Variants in TENM4 observed in about 807,000 individuals in gnomAD.
TENM4 encodes teneurin transmembrane protein 4.
Under a neutral mutation model 243.3 loss-of-function variants are expected in TENM4, and 82 were observed. That is an observed-to-expected ratio of 0.34 (90% CI 0.28 to 0.40). The LOEUF (loss-of-function observed/expected upper bound fraction) is 0.40. Ranked by LOEUF, TENM4 falls within the 10% of genes least tolerant of loss-of-function variation. The pLI, the probability that TENM4 is intolerant of heterozygous loss-of-function variation, is 1.00. For synonymous variants in TENM4, 1,412 were observed against 1,456.3 expected, an observed-to-expected ratio of 0.97 and a Z score of 0.69; for missense variants, 3,138 against 3,673.3, an observed-to-expected ratio of 0.85 and a Z score of 3.77.
chr11:79,201,568 C>T (rs915225592), intron 3 of TENM4, among the ~76,000 whole-genome samples: 2 of 152,000 alleles, frequency 1.3e-5, no homozygotes, highest in African/African-American at 4.8e-5. Context: ...TGGGTACCTA[C>T]CATAAGTCAG....
chr11:78,674,252 A>G (rs375398193), intron 30 of TENM4, among the ~76,000 whole-genome samples: 9 of 152,346 alleles, frequency 5.9e-5, no homozygotes, highest in South Asian at 2.1e-4. Context: ...TTATTAAAAA[A>G]GTTCCCAGTT....
intron 6 of TENM4, among the ~76,000 whole-genome samples, chr11:78,910,812 G>A (rs534678443): frequency 1.5e-3 from 224 of 152,180 alleles, no homozygotes; most frequent in South Asian, 3.3e-3. Flanking sequence ...AAATGGTTTC[G>A]GTTCATTCTC....
intron 12 of TENM4, among the ~76,000 whole-genome samples, chr11:78,824,618 C>T (rs1457671037): frequency 6.6e-6 from 1 of 151,802 alleles, no homozygotes; most frequent in East Asian, 1.9e-4. Flanking sequence ...TCTCCTGCCT[C>T]AGCCTCCCAA....
chr11:79,048,963 G>C (rs1358712679), intron 6 of TENM4, among the ~76,000 whole-genome samples: 1 of 152,172 alleles, frequency 6.6e-6, no homozygotes, highest in East Asian at 1.9e-4. Context: ...TGCTCAAGCA[G>C]AGCTGGATTT....
chr11:79,389,991 A>G (rs1858197369), intron 1 of TENM4, among the ~76,000 whole-genome samples: 1 of 152,126 alleles, frequency 6.6e-6, no homozygotes, highest in Non-Finnish European at 1.5e-5. Flanking sequence ...GGTTTTTGTT[A>G]AGAGGAGGAC....
chr11:79,045,723 C>CT (rs34804783), intron 6 of TENM4, among the ~76,000 whole-genome samples: 182 of 146,500 alleles, frequency 1.2e-3, no homozygotes, highest in African/African-American at 4.1e-3. Flanking sequence ...TGGATGACGC[C>CT]TTTTTTTTTT....
At chr11:78,798,592 C>T (rs1390452922) in intron 15 of TENM4, among the ~76,000 whole-genome samples, 1 of 152,192 alleles carries the variant, frequency 6.6e-6, no homozygotes, top group African/African-American at 2.4e-5. Context: ...GCACAGCATT[C>T]AGCGGGCTCC....
chr11:78,658,857 G>A (rs749320337), intron 33 of TENM4, 41 bp from the exon 34 acceptor site: 1 of 1,565,752 alleles, frequency 6.4e-7, no homozygotes, highest in Non-Finnish European at 8.7e-7. Flanking sequence ...AAGACAAAGG[G>A]GAAAAAACCC....
At chr11:78,677,936 A>C in intron 29 of TENM4, among the ~76,000 whole-genome samples, 1 of 107,338 alleles carries the variant, frequency 9.3e-6, no homozygotes, top group African/African-American at 3.6e-5. Flanking sequence ...CCCCGACCCC[A>C]CCACAGTCCC....
intron 1 of TENM4, among the ~76,000 whole-genome samples, chr11:79,359,655 G>T (rs932462930): frequency 6.6e-6 from 1 of 152,172 alleles, no homozygotes; most frequent in Non-Finnish European, 1.5e-5. Flanking sequence ...AGGTCGAAGG[G>T]GGGAGGGTGA....
chr11:79,314,421 G>A (rs150794129), intron 1 of TENM4, among the ~76,000 whole-genome samples: 8 of 152,334 alleles, frequency 5.3e-5, no homozygotes, highest in Non-Finnish European at 1.2e-4. Flanking sequence ...TTTACCTGTG[G>A]TGTTGAGTCT....
intron 18 of TENM4, among the ~76,000 whole-genome samples, chr11:78,765,178 G>A (rs1856517975): frequency 6.6e-6 from 1 of 152,180 alleles, no homozygotes; most frequent in Non-Finnish European, 1.5e-5. Flanking sequence ...GGGGGTGGAA[G>A]GTGGAATGTG....
At chr11:78,896,276 G>A (rs1855793637) in intron 7 of TENM4, among the ~76,000 whole-genome samples, 1 of 152,128 alleles carries the variant, frequency 6.6e-6, no homozygotes, top group Non-Finnish European at 1.5e-5. Flanking sequence ...TTCTGTAGCT[G>A]AGACCTCCAG....
chr11:79,374,180 C>A (rs1363338397), intron 1 of TENM4, among the ~76,000 whole-genome samples: 2 of 152,134 alleles, frequency 1.3e-5, no homozygotes, highest in Non-Finnish European at 2.9e-5. Flanking sequence ...CTTCAAAGAT[C>A]AATCTTCCCA....
intron 3 of TENM4, among the ~76,000 whole-genome samples, chr11:79,194,331 C>A (rs188953015): frequency 4.6e-5 from 7 of 151,724 alleles, no homozygotes; most frequent in African/African-American, 1.7e-4. Context: ...GAAAAGATAC[C>A]TGAAAATGTG....
At chr11:78,714,366 T>C (rs1168861560) in intron 25 of TENM4, among the ~76,000 whole-genome samples, 1 of 146,992 alleles carries the variant, frequency 6.8e-6, no homozygotes, top group East Asian at 1.9e-4. Flanking sequence ...GACAGTGTCC[T>C]TGGGGACTGG....
At chr11:78,891,367 A>G (rs762714119) in intron 7 of TENM4, 31 bp from the exon 8 acceptor site, 5 of 1,536,378 alleles carry the variant, frequency 3.3e-6, no homozygotes, top group Non-Finnish European at 4.4e-6. Flanking sequence ...GAATGAAGCA[A>G]TGAGTCATGC....
intron 12 of TENM4, among the ~76,000 whole-genome samples, chr11:78,841,646 GC>G: frequency 6.6e-6 from 1 of 151,858 alleles, no homozygotes; most frequent in Non-Finnish European, 1.5e-5. Flanking sequence ...TCTCTCCTGG[GC>G]CTCCAGTCTT....
At chr11:78,805,253 C>G in intron 15 of TENM4, 39 bp downstream of exon 15, 1 of 1,483,928 alleles carries the variant, frequency 6.7e-7, no homozygotes, top group Non-Finnish European at 9.1e-7. Context: ...AGTGGAAATC[C>G]CCTCCCTCTA....
Sources: gnomAD v4.1 joint callset for allele counts (sites outside exome capture counted in the v4.1 genomes callset) on GRCh38, gnomAD v4.1.1 for gene constraint, MANE v1.5 for transcripts, NCBI Gene and HGNC (gene_info 2026-07-23, HGNC 2026-07-21) for gene names.